BET1: variants seen among roughly 807,000 people sequenced by gnomAD.
The protein encoded by BET1 is BET1 homolog.
In BET1, 9 loss-of-function variants were observed where a neutral mutation model predicts 13.9. That is an observed-to-expected ratio of 0.65 (90% CI 0.39 to 1.13). The LOEUF (loss-of-function observed/expected upper bound fraction) is 1.13. Among genes scored for constraint, BET1 ranks in the 50% most tolerant of loss-of-function variants. The pLI is 0.01. For synonymous variants in BET1, 39 were observed against 47.3 expected (o/e 0.82, Z 0.72); for missense variants, 127 against 133.6 (o/e 0.95, Z 0.24).
At chr7:94,002,423 T>C (rs1795926174) in intron 1 of BET1, among the ~76,000 whole-genome samples, 1 of 145,824 alleles carries the variant, frequency 6.9e-6, no homozygotes, top group Non-Finnish European at 1.5e-5. Flanking sequence ...ACCTAGGTAA[T>C]TACTTCTCCT....
intron 5 of BET1, chr7:93,975,823 T>C: frequency 1.5e-6 from 1 of 656,700 alleles, no homozygotes; most frequent in Non-Finnish European, 2.0e-6. Context: ...TTTAATATCA[T>C]GCTCAATCAC....
downstream of BET1, chr7:93,992,337 T>C: frequency 1.0e-6 from 1 of 985,392 alleles, no homozygotes; most frequent in Non-Finnish European, 1.2e-6. Flanking sequence ...AGTACTTTCA[T>C]AAAATAGCTA....
chr7:93,979,006 ACTGGATGCCACACCTATCC>A (rs1230173546), intron 4 of BET1, among the ~76,000 whole-genome samples: 1 of 152,188 alleles, frequency 6.6e-6, no homozygotes, highest in African/African-American at 2.4e-5. Context: ...GGCCTCTGCC[ACTGGATGCCACACCTATCC>A]CTGCAAAATA....
chr7:93,981,447 C>T (rs1795425307), intron 4 of BET1, among the ~76,000 whole-genome samples: 1 of 152,164 alleles, frequency 6.6e-6, no homozygotes, highest in Non-Finnish European at 1.5e-5. Flanking sequence ...TTTCCAAGTA[C>T]TGTTTTGGCC....
intron 4 of BET1, among the ~76,000 whole-genome samples, chr7:93,976,344 T>TTGTGTG (rs57913446): frequency 0.042 from 6,272 of 149,074 alleles, 346 homozygotes; most frequent in African/African-American, 0.13. Context: ...TATCTACTTA[T>TTGTGTG]TGTGTGTGTG....
intron 4 of BET1, among the ~76,000 whole-genome samples, chr7:93,981,499 G>A (rs1369011998): frequency 6.6e-6 from 1 of 152,148 alleles, no homozygotes; most frequent in East Asian, 1.9e-4. Context: ...AAGCTTATTG[G>A]GAAGTAAATT....
intron 4 of BET1, among the ~76,000 whole-genome samples, chr7:93,977,132 G>C (rs1795349858): frequency 2.0e-5 from 3 of 152,128 alleles, no homozygotes; most frequent in Admixed American, 2.0e-4. Flanking sequence ...TCTGGATGAA[G>C]TTTCGTCTAC....
At chr7:93,979,978 G>T (rs1280004115) in intron 4 of BET1, among the ~76,000 whole-genome samples, 1 of 152,116 alleles carries the variant, frequency 6.6e-6, no homozygotes, top group Non-Finnish European at 1.5e-5. Context: ...GCTTCTCCCT[G>T]GGGAGGGAAA....
In BET1 at chr7:93,973,058, G is replaced by A. The variant is rs184214810; in HGVS notation, c.*49-395C>T. On this transcript the variant is annotated intron_variant and NMD_transcript_variant, in intron 5 of 6. Coordinates refer to the BET1 transcript ENST00000357520. ...AATGAAAGAGTATCAGGAATACAAA[G>A]GAGAACAGGAAAATCTGAGACTTTT... Among the ~76,000 whole-genome samples, 32 of 151,932 alleles carry A rather than the reference G, an allele frequency of 2.1e-4. No homozygotes were observed. In the East Asian group the frequency reaches 6.0e-3, roughly 29 times the overall value.
intron 6 of BET1, among the ~76,000 whole-genome samples, chr7:93,966,043 TGAACAG>T (rs1357449893): frequency 6.6e-6 from 1 of 152,018 alleles, no homozygotes; most frequent in Non-Finnish European, 1.5e-5. Flanking sequence ...TTTTTAAAAG[TGAACAG>T]GGTCAAAATA....
chr7:93,970,799 G>A (rs1018680453), intron 6 of BET1, among the ~76,000 whole-genome samples: 16 of 151,750 alleles, frequency 1.1e-4, no homozygotes, highest in East Asian at 3.9e-4. Flanking sequence ...TTATTAATTC[G>A]ATTTGTATTT....
intron 6 of BET1, among the ~76,000 whole-genome samples, chr7:93,966,372 A>G (rs1286509577): frequency 6.6e-6 from 1 of 152,046 alleles, no homozygotes; most frequent in Non-Finnish European, 1.5e-5. Context: ...TGGTTCATAC[A>G]TGAAATACTT....
At chr7:93,972,836 C>T (rs1795278243) in intron 5 of BET1, among the ~76,000 whole-genome samples, 1 of 151,344 alleles carries the variant, frequency 6.6e-6, no homozygotes, top group South Asian at 2.1e-4. Context: ...GACAGCATCA[C>T]TCGTATCTTT....
chr7:93,995,001 G>A (rs1362283726), intron 3 of BET1, among the ~76,000 whole-genome samples: 7 of 152,032 alleles, frequency 4.6e-5, no homozygotes, highest in African/African-American at 7.2e-5. Flanking sequence ...ACGCCACCAC[G>A]CCCAGCTAAT....
chr7:93,986,643 T>C (rs987544221), intron 4 of BET1, among the ~76,000 whole-genome samples: 27 of 152,210 alleles, frequency 1.8e-4, no homozygotes, highest in African/African-American at 5.5e-4. Context: ...GGATTACACA[T>C]CTTGCTGTAG....
In BET1 at chr7:93,981,949, G is replaced by A. The variant is rs563916975; in HGVS notation, c.236-5849C>T. On this transcript the variant is annotated intron_variant and NMD_transcript_variant, in intron 4 of 6. Coordinates refer to the BET1 transcript ENST00000357520. Reference sequence around the variant, plus strand: ...AGCAAAGAAAGCGGAGGATTGTGGGGAGAGTGGATAGGCGAAGCTGAGTAG... The same window carrying A: ...AGCAAAGAAAGCGGAGGATTGTGGGAAGAGTGGATAGGCGAAGCTGAGTAG... Among the ~76,000 whole-genome samples, 38 of 152,270 alleles carry A rather than the reference G, an allele frequency of 2.5e-4. 1 individual carries two copies. In the Middle Eastern group the frequency reaches 0.014, roughly 55 times the overall value.
downstream of BET1, chr7:93,992,753 C>T (rs114737081): frequency 6.5e-4 from 602 of 926,980 alleles, 7 homozygotes; most frequent in African/African-American, 0.01. Context: ...CACTTTACAA[C>T]ATATTATCTA....
rs1795693061 is a variant in BET1 at position 93,993,827 on chromosome 7, G to A, written c.*403C>T. On this transcript the variant is annotated 3_prime_UTR_variant, in exon 4 of 4. Coordinates refer to ENST00000222547, the MANE Select transcript of BET1 (RefSeq NM_005868.6). Reference sequence around the variant, plus strand: ...TTCAATTACCATTTTACCACAAACTGGCTGACTACTTCAAGAGCTCAGAGT... The same window carrying A: ...TTCAATTACCATTTTACCACAAACTAGCTGACTACTTCAAGAGCTCAGAGT... 1.3e-6 allele frequency: 2 copies of A among 1,530,696 alleles called. No homozygotes were observed. The highest frequency in any genetic ancestry group is 2.5e-5 in the East Asian group (1 of 40,734). The allele number at this position is 1,530,696 out of a possible 1,614,324, so 94.8% of individuals were successfully genotyped here.
At chr7:94,003,238 A>G (rs1301520180) in intron 1 of BET1, among the ~76,000 whole-genome samples, 1 of 151,924 alleles carries the variant, frequency 6.6e-6, no homozygotes, top group East Asian at 1.9e-4. Flanking sequence ...ATTCATAAAA[A>G]CTTCATTAAA....
Sources: gnomAD v4.1 joint callset for allele counts (sites outside exome capture counted in the v4.1 genomes callset) on GRCh38, gnomAD v4.1.1 for gene constraint, MANE v1.5 for transcripts, NCBI Gene and HGNC (gene_info 2026-07-23, HGNC 2026-07-21) for gene names.